APBA1: variants seen among roughly 807,000 people sequenced by gnomAD.
The protein encoded by APBA1 is amyloid-beta A4 precursor protein-binding family A member 1.
A neutral mutation model predicts 86.6 loss-of-function variants in APBA1; 55 were observed. That is an observed-to-expected ratio of 0.64 (90% CI 0.51 to 0.80). APBA1 has a LOEUF of 0.80. Ranked by LOEUF, APBA1 falls within the 30% of genes least tolerant of loss-of-function variation. APBA1 has a pLI of 0.00. For missense variants in APBA1, 1,090 were observed against 1,183.0 expected, an observed-to-expected ratio of 0.92 and a Z score of 1.15; for synonymous variants, 511 against 493.9, an observed-to-expected ratio of 1.03 and a Z score of -0.46.
chr9:69,662,664 ATTAGGTTAAAAT>A (rs1823774579), intron 1 of APBA1, among the ~76,000 whole-genome samples: 2 of 152,240 alleles, frequency 1.3e-5, no homozygotes, highest in African/African-American at 4.8e-5. Context: ...AAGAAATAAT[ATTAGGTTAAAAT>A]TTAGAATTAA....
chr9:69,576,592 A>G (rs2133952746), intron 1 of APBA1, among the ~76,000 whole-genome samples: 1 of 152,320 alleles, frequency 6.6e-6, no homozygotes, highest in East Asian at 1.9e-4. Context: ...CATTCTCAGC[A>G]AACTATCGCA....
chr9:69,517,144 C>A lies in APBA1; in HGVS notation c.67G>T (p.Glu23Ter). ...TDEAAGGEVN[E>*]SVEADLEHPE... ...TGCTCCAGGTCGGCCTCCACCGACT[C>A]GTTCACCTCCCCACCTGCCGCCTCG... The change falls in exon 2 of 13, where the codon GAG becomes TAG. Residue 23 changes from glutamate (E) to a stop codon, truncating the protein, a stop_gained. Transcript: ENST00000265381. LOFTEE classifies it high-confidence loss of function. The A allele has an allele frequency of 1.3e-6, 2 of 1,567,118 alleles. No homozygotes were observed. Among genetic ancestry groups the A allele is most frequent in the East Asian group, 2.4e-5 (1 of 42,332 alleles).
intron 1 of APBA1, among the ~76,000 whole-genome samples, chr9:69,648,449 C>T (rs1823432265): frequency 6.6e-6 from 1 of 152,196 alleles, no homozygotes; most frequent in Non-Finnish European, 1.5e-5. Flanking sequence ...ACACACACTA[C>T]TCAGTTATAT....
At chr9:69,654,129 AAAAAG>A (rs1454255694) in intron 1 of APBA1, among the ~76,000 whole-genome samples, 1 of 151,714 alleles carries the variant, frequency 6.6e-6, no homozygotes, top group Non-Finnish European at 1.5e-5. Flanking sequence ...AAAAAAAAAA[AAAAAG>A]AGGGAAGTTT....
At chr9:69,531,314 G>A (rs12341615) in intron 1 of APBA1, among the ~76,000 whole-genome samples, 15,256 of 152,062 alleles carry the variant, frequency 0.1, 897 homozygotes, top group East Asian at 0.28. Context: ...CCAAAAGTGC[G>A]TACCATCACC....
intron 2 of APBA1, among the ~76,000 whole-genome samples, chr9:69,502,901 T>G (rs996091513): frequency 6.6e-5 from 10 of 152,080 alleles, no homozygotes; most frequent in Admixed American, 6.6e-4. Context: ...CTCTTCAGAT[T>G]TTTCATTGTC....
intron 1 of APBA1, among the ~76,000 whole-genome samples, chr9:69,528,326 A>C (rs1438115053): frequency 3.3e-5 from 5 of 152,098 alleles, no homozygotes; most frequent in African/African-American, 9.7e-5. Context: ...CCAGCCTTTG[A>C]TTAAAGAGAA....
chr9:69,665,500 G>A (rs547523155), intron 1 of APBA1, among the ~76,000 whole-genome samples: 4 of 152,248 alleles, frequency 2.6e-5, no homozygotes, highest in Admixed American at 2.6e-4. Context: ...CTTTACACCT[G>A]AGTTACTTAA....
intron 1 of APBA1, among the ~76,000 whole-genome samples, chr9:69,625,347 C>T (rs952293457): frequency 7.2e-5 from 11 of 152,192 alleles, no homozygotes; most frequent in African/African-American, 2.7e-4. Context: ...TAATTCTCTG[C>T]ATAGGATTTA....
intron 2 of APBA1, among the ~76,000 whole-genome samples, chr9:69,503,014 C>A (rs1317798661): frequency 6.6e-6 from 1 of 152,134 alleles, no homozygotes; most frequent in Non-Finnish European, 1.5e-5. Context: ...GTCACATAAG[C>A]CAAATGCAAG....
chr9:69,665,571 A>G (rs1419620652), intron 1 of APBA1, among the ~76,000 whole-genome samples: 4 of 152,224 alleles, frequency 2.6e-5, no homozygotes, highest in Non-Finnish European at 4.4e-5. Flanking sequence ...TTACTAATGC[A>G]GAGAGTCAGT....
intron 5 of APBA1, 143 bp from the exon 6 acceptor site, chr9:69,458,331 C>A: frequency 1.6e-6 from 1 of 611,866 alleles, no homozygotes; most frequent in East Asian, 3.0e-5. Flanking sequence ...TTTAAAAATC[C>A]CAGTCTAAAG....
intron 2 of APBA1, among the ~76,000 whole-genome samples, chr9:69,512,692 A>T (rs911285186): frequency 7.2e-5 from 11 of 152,296 alleles, no homozygotes; most frequent in African/African-American, 2.6e-4. Context: ...TTTCCTTTAA[A>T]TCAGTAGTTC....
chr9:69,632,933 G>C (rs1823077940), intron 1 of APBA1, among the ~76,000 whole-genome samples: 1 of 152,028 alleles, frequency 6.6e-6, no homozygotes, highest in Non-Finnish European at 1.5e-5. Context: ...ATAGGAGAGA[G>C]GCAGGAAAGT....
chr9:69,668,615 C>T (rs914698152), intron 1 of APBA1, among the ~76,000 whole-genome samples: 3 of 152,162 alleles, frequency 2.0e-5, no homozygotes, highest in African/African-American at 7.2e-5. Context: ...CTATAGTTCC[C>T]CAGTCCTTAC....
chr9:69,482,803 G>C (rs1014568644), intron 2 of APBA1, among the ~76,000 whole-genome samples: 4 of 151,768 alleles, frequency 2.6e-5, no homozygotes, highest in Admixed American at 6.6e-5. Flanking sequence ...CATAAAAAAT[G>C]ATGAGTTCAT....
At chr9:69,466,323 T>C (rs533325209) in intron 5 of APBA1, among the ~76,000 whole-genome samples, 6 of 152,266 alleles carry the variant, frequency 3.9e-5, no homozygotes, top group African/African-American at 1.4e-4. Flanking sequence ...ACGGTGTTGG[T>C]GATGGTATGA....
intron 1 of APBA1, among the ~76,000 whole-genome samples, chr9:69,628,517 C>T (rs954165728): frequency 7.2e-5 from 11 of 152,142 alleles, no homozygotes; most frequent in Non-Finnish European, 1.0e-4. Flanking sequence ...GGGCTAACCC[C>T]GCTCTGAAAA....
intron 1 of APBA1, among the ~76,000 whole-genome samples, chr9:69,624,848 C>T (rs918451060): frequency 6.6e-6 from 1 of 152,164 alleles, no homozygotes; most frequent in Non-Finnish European, 1.5e-5. Flanking sequence ...AAAAGTGCAT[C>T]AAATTCTCTT....
Sources: allele counts gnomAD v4.1 joint callset (sites outside exome capture counted in the v4.1 genomes callset), GRCh38; gene constraint gnomAD v4.1.1; transcripts MANE v1.5; gene names NCBI Gene and HGNC (gene_info 2026-07-23, HGNC 2026-07-21).